JRKL: variants seen among roughly 807,000 people sequenced by gnomAD.
JRKL encodes JRK like.
In JRKL, 25 loss-of-function variants were observed where a neutral mutation model predicts 34.7. That is an observed-to-expected ratio of 0.72 (90% CI 0.53 to 1.01). The LOEUF is 1.01. JRKL is among the 50% of genes least tolerant of loss of function. The pLI is 0.00. For synonymous variants in JRKL, 204 were observed against 212.8 expected, an observed-to-expected ratio of 0.96 and a Z score of 0.36; for missense variants, 495 against 615.7, an observed-to-expected ratio of 0.80 and a Z score of 2.07.
rs1205576580 is a variant in JRKL at position 96,393,215 on chromosome 11, A to G, written c.*991A>G. The G allele has an allele frequency of 2.4e-5, 4 of 165,540 alleles. No homozygotes were observed. The highest frequency in any genetic ancestry group is 9.8e-5 in the African/African-American group (4 of 40,956). The allele number at this position is 165,540 out of a possible 1,614,324, so 10.3% of individuals were successfully genotyped here. A position where few individuals can be genotyped will look rare whatever the true frequency, so the allele number is the denominator to read the frequency against. ...TATTGTCATATCTGGCCCTTTGATG[A>G]GAAAAGGAAATTACAATAATAAAGT... On this transcript the variant is annotated 3_prime_UTR_variant, in exon 2 of 2. Coordinates refer to ENST00000332349, the MANE Select transcript of JRKL (RefSeq NM_001261833.2).
rs753303916 is a variant in JRKL, at chr11:96,391,648, G to C, written c.999G>C (p.Thr333=). The C allele has an allele frequency of 6.2e-7, 1 of 1,614,120 alleles. No individual in the cohort carries two copies. Reference sequence around the variant, plus strand: ...CTTCAGATCAGGGAGTCATAGCAACGATGAAGAGAAATTATCGTGCAGGTC... The same window carrying C: ...CTTCAGATCAGGGAGTCATAGCAACCATGAAGAGAAATTATCGTGCAGGTC... ...IQPSDQGVIA[T]MKRNYRAGLL... is the part of the protein sequence containing the mutation. Residue 333 remains threonine, a synonymous_variant, in exon 2 of 2, where the codon ACG becomes ACC. Transcript: ENST00000332349.
Position 96,392,156 on chromosome 11 carries a change from A to T in JRKL, c.1507A>T (p.Arg503Ter). Reference sequence around the variant, plus strand: ...ACAAGGTGATATGATTCTACCTGATAGACTGGTAATACGTAAACTTCGAGC... The same window carrying T: ...ACAAGGTGATATGATTCTACCTGATTGACTGGTAATACGTAAACTTCGAGC... ...EQQGDMILPD[R>*]LVIRKLRATI... The change falls in exon 2 of 2, where the codon AGA becomes TGA. Residue 503 changes from arginine (R) to a stop codon, truncating the protein, a stop_gained. Transcript: ENST00000332349. LOFTEE classifies it high-confidence loss of function. 1 of 1,612,480 alleles carries T rather than the reference A, an allele frequency of 6.2e-7. No individual in the cohort carries two copies. Among genetic ancestry groups the T allele is most frequent in the Non-Finnish European group, 8.5e-7 (1 of 1,179,496 alleles).
chr11:96,392,278 A>G lies in JRKL; in HGVS notation c.*54A>G, dbSNP rs966736008. ...TTGTGTTTGTGACAAACTCTTTGCA[A>G]TATGGCTTAATTTTCTTTGTGTTCT... On this transcript the variant is annotated 3_prime_UTR_variant, in exon 2 of 2. Coordinates refer to ENST00000332349, the MANE Select transcript of JRKL (RefSeq NM_001261833.2). 2.7e-6 allele frequency: 4 copies of G among 1,485,338 alleles called. No homozygotes were observed. The highest frequency in any genetic ancestry group is 3.6e-6 in the Non-Finnish European group (4 of 1,119,894). The allele number at this position is 1,485,338 out of a possible 1,614,324, so 92.0% of individuals were successfully genotyped here.
At position 96,393,331 on chromosome 11, in the gene JRKL, ATTGT is replaced by A. The variant is rs1430205787; in HGVS notation, c.*1110_*1113del. On this transcript the variant is annotated 3_prime_UTR_variant, in exon 2 of 2. Transcript: ENST00000332349. ...AAAGTGCCAGACACTAAGGAATATTATTGTTTATTATTTTAATACATATAAAAAG... is the reference window on the plus strand; with the variant it reads ...AAAGTGCCAGACACTAAGGAATATTATTATTATTTTAATACATATAAAAAG... The A allele has an allele frequency of 2.4e-5, 4 of 166,920 alleles. No individual in the cohort carries two copies. Among genetic ancestry groups the A allele is most frequent in the East Asian group, 1.9e-4 (1 of 5,200 alleles). 10.3% of individuals were successfully genotyped at this position (166,920 alleles called of 1,614,324 possible). A position where few individuals can be genotyped will look rare whatever the true frequency, so the allele number is the denominator to read the frequency against.
Position 96,391,123 on chromosome 11 carries a change from C to G in JRKL, c.474C>G (p.Asn158Lys), listed in dbSNP as rs139608079. Residue 158 changes from asparagine to lysine, a missense_variant, in exon 2 of 2, where the codon AAC becomes AAG. Physicochemically the swap from Asn to Lys is moderately conservative, Grantham distance 94 (BLOSUM62 0). Transcript: ENST00000332349. ...CTGCGGTGGAAGATTTTTGTAATAA[C>G]TTTCGAGATTTTATTGAACGAGAGA... is the stretch of plus-strand genomic sequence containing the variant. ...DETAVEDFCN[N>K]FRDFIERENL... is the part of the protein sequence containing the mutation. 2 of 1,612,840 alleles carry G rather than the reference C, an allele frequency of 1.2e-6. No homozygotes were observed. The highest frequency in any genetic ancestry group is 1.3e-5 in the African/African-American group (1 of 74,992).
In JRKL at chr11:96,392,405, G is replaced by T; in HGVS notation, c.*181G>T. The T allele has an allele frequency of 1.2e-6, 1 of 866,930 alleles. No homozygotes were observed. Among genetic ancestry groups the T allele is most frequent in the Non-Finnish European group, 1.7e-6 (1 of 594,636 alleles). The allele number at this position is 866,930 out of a possible 1,614,324, so 53.7% of individuals were successfully genotyped here. On this transcript the variant is annotated 3_prime_UTR_variant, in exon 2 of 2. Transcript: ENST00000332349. ...ATCTGTGTCTTTTGTCCTTTTATTT[G>T]TACAGATAATCAGAAGATGATACTG...
At position 96,392,169 on chromosome 11, in the gene JRKL, G is replaced by A. The variant is rs776886013; in HGVS notation, c.1520G>A (p.Arg507His). The part of the protein sequence containing the change: ...DMILPDRLVI[R>H]KLRATIRNKQ... ...ATTCTACCTGATAGACTGGTAATACGTAAACTTCGAGCCACCATCAGAAAT... is the reference window on the plus strand; with the variant it reads ...ATTCTACCTGATAGACTGGTAATACATAAACTTCGAGCCACCATCAGAAAT... The change falls in exon 2 of 2, where the codon CGT (arginine) becomes CAT (histidine). Residue 507 changes from arginine (R) to histidine (H), a missense_variant. Physicochemically the swap from Arg to His is conservative, Grantham distance 29. Transcript: ENST00000332349. 9 of 1,603,654 alleles carry A rather than the reference G, an allele frequency of 5.6e-6. No individual in the cohort carries two copies. The South Asian group carries it at 5.6e-5, about 10-fold the overall frequency.
At position 96,391,589 on chromosome 11, in the gene JRKL, T is replaced by C. The variant is rs1866539682; in HGVS notation, c.940T>C (p.Tyr314His). 1 of 1,602,020 alleles carries C rather than the reference T, an allele frequency of 6.2e-7. No homozygotes were observed. The highest frequency in any genetic ancestry group is 1.1e-5 in the South Asian group (1 of 89,560). Residue 314 changes from tyrosine (Y) to histidine (H), a missense_variant, in exon 2 of 2, where the codon TAT (tyrosine) becomes CAT (histidine). By Grantham distance (83) the Tyr-to-His change is moderately conservative. Coordinates refer to ENST00000332349, the MANE Select transcript of JRKL (RefSeq NM_001261833.2). ...AGATGATGGCCAAATATTTGCTAAATATTTACCACCTAATGTGGCCTCATT... is the reference window on the plus strand; with the variant it reads ...AGATGATGGCCAAATATTTGCTAAACATTTACCACCTAATGTGGCCTCATT... Reference protein sequence around the residue: ...RSDDGQIFAKYLPPNVASLIQ... With the variant: ...RSDDGQIFAKHLPPNVASLIQ...
rs754792583 is a variant in JRKL, at chr11:96,391,837, G to C, written c.1188G>C (p.Glu396Asp). 6.2e-7 allele frequency: 1 copy of C among 1,614,056 alleles called. No individual in the cohort carries two copies. Among genetic ancestry groups the C allele is most frequent in the African/African-American group, 1.3e-5 (1 of 74,928 alleles). ...TTCTCCCTATGGTAGAGGAGAAAGA[G>C]AGCCTGGACTTTGATGTTGAAGATA... ...KKILPMVEEKESLDFDVEDIS... is the reference protein window; with the variant it reads ...KKILPMVEEKDSLDFDVEDIS... The change falls in exon 2 of 2, where the codon GAG (glutamate) becomes GAC (aspartate). Residue 396 changes from glutamate to aspartate, a missense_variant. Transcript: ENST00000332349.
chr11:96,390,806 A>G lies in JRKL; in HGVS notation c.157A>G (p.Ile53Val), dbSNP rs749627880. ...TATAAGAAAAAATAAGGAAAAGATT[A>G]TAACTTATGCAAGCAGTTCTGATTC... Reference protein sequence around the residue: ...RDIRKNKEKIITYASSSDSTS... With the variant: ...RDIRKNKEKIVTYASSSDSTS... The change falls in exon 2 of 2, where the codon ATA becomes GTA. Residue 53 changes from isoleucine (I) to valine (V), a missense_variant. Ile to Val is a conservative substitution (Grantham distance 29). Coordinates refer to ENST00000332349, the MANE Select transcript of JRKL (RefSeq NM_001261833.2). The G allele has an allele frequency of 8.7e-6, 14 of 1,613,434 alleles. No homozygotes were observed. Among genetic ancestry groups the G allele is most frequent in the South Asian group, 6.6e-5 (6 of 90,894 alleles).
At chr11:96,390,287 G>T (rs1295584008) in intron 1 of JRKL, among the ~76,000 whole-genome samples, 196 bp from the exon 2 acceptor site, 1 of 152,122 alleles carries the variant, frequency 6.6e-6, no homozygotes, top group Admixed American at 6.5e-5. Context: ...AGTGACGCGC[G>T]GTTACCCGGG....
At position 96,391,269 on chromosome 11, in the gene JRKL, A is replaced by T. The variant is rs1866528220; in HGVS notation, c.620A>T (p.Glu207Val). ...GTCCCTGGGCACAAATCAATTGAAG[A>T]AAGAGTCACAATCATGTGTTGTGCC... ...CTVPGHKSIE[E>V]RVTIMCCANA... The change falls in exon 2 of 2, where the codon GAA (glutamate) becomes GTA (valine). Residue 207 changes from glutamate to valine, a missense_variant. Transcript: ENST00000332349. The T allele has an allele frequency of 2.6e-6, 4 of 1,551,578 alleles. No homozygotes were observed. The highest frequency in any genetic ancestry group is 3.5e-6 in the Non-Finnish European group (4 of 1,147,008).
rs774073517 is a variant in JRKL, at chr11:96,391,148, A to G, written c.499A>G (p.Asn167Asp). 19 of 1,598,640 alleles carry G rather than the reference A, an allele frequency of 1.2e-5. No individual in the cohort carries two copies. Among genetic ancestry groups the G allele is most frequent in the Non-Finnish European group, 1.5e-5 (18 of 1,170,838 alleles). The change falls in exon 2 of 2, where the codon AAT becomes GAT. Residue 167 changes from asparagine to aspartate, a missense_variant. Coordinates refer to ENST00000332349, the MANE Select transcript of JRKL (RefSeq NM_001261833.2). Reference protein sequence around the residue: ...NNFRDFIERENLQPEQIYNAD... With the variant: ...NNFRDFIEREDLQPEQIYNAD... ...CTTTCGAGATTTTATTGAACGAGAG[A>G]ATTTACAGCCTGAACAAATCTACAA...
rs1866573863 is a variant in JRKL at position 96,393,397 on chromosome 11, T to C, written c.*1173T>C. The C allele has an allele frequency of 1.2e-5, 2 of 166,950 alleles. No individual in the cohort carries two copies. Among genetic ancestry groups the C allele is most frequent in the South Asian group, 4.1e-4 (2 of 4,828 alleles). 10.3% of individuals were successfully genotyped at this position (166,950 alleles called of 1,614,324 possible). The stretch of plus-strand genomic sequence containing the variant: ...CTAAAATGTAATCTAAATCAGAATT[T>C]TGATAAATTTTTTTTGTAAACTAAG... On this transcript the variant is annotated 3_prime_UTR_variant, in exon 2 of 2. Coordinates refer to ENST00000332349, the MANE Select transcript of JRKL (RefSeq NM_001261833.2).
chr11:96,391,688 T>C lies in JRKL; in HGVS notation c.1039T>C (p.Leu347=), dbSNP rs776745399. The C allele has an allele frequency of 1.9e-6, 3 of 1,614,130 alleles. No homozygotes were observed. Among genetic ancestry groups the C allele is most frequent in the Non-Finnish European group, 2.5e-6 (3 of 1,180,008 alleles). ...NYRAGLLQNN[L]EEGNDLKSFW... ...TCGTGCAGGTCTTCTCCAGAACAAC[T>C]TGGAAGAAGGTAATGACCTGAAATC... The change falls in exon 2 of 2, where the codon TTG becomes CTG. Residue 347 remains leucine (L), a synonymous_variant. Transcript: ENST00000332349.
Position 96,391,726 on chromosome 11 carries a change from G to T in JRKL, c.1077G>T (p.Lys359Asn), listed in dbSNP as rs766630778. Residue 359 changes from lysine to asparagine, a missense_variant, in exon 2 of 2, where the codon AAG (lysine) becomes AAT (asparagine). By Grantham distance (94) the Lys-to-Asn change is moderately conservative (BLOSUM62 0). Transcript: ENST00000332349. ...ATGACCTGAAATCATTCTGGAAGAA[G>T]CTAACTCTGTTGGATGCACTTTATG... ...EGNDLKSFWK[K>N]LTLLDALYEI... is the part of the protein sequence containing the mutation. 10 of 1,614,070 alleles carry T rather than the reference G, an allele frequency of 6.2e-6. No homozygotes were observed. The highest frequency in any genetic ancestry group is 8.5e-6 in the Non-Finnish European group (10 of 1,180,040).
In JRKL at chr11:96,390,802, G is replaced by A. The variant is rs1357333964; in HGVS notation, c.153G>A (p.Lys51=). The change falls in exon 2 of 2, where the codon AAG becomes AAA. Residue 51 remains lysine (K), a synonymous_variant. Coordinates refer to ENST00000332349, the MANE Select transcript of JRKL (RefSeq NM_001261833.2). ...GGGATATAAGAAAAAATAAGGAAAA[G>A]ATTATAACTTATGCAAGCAGTTCTG... ...TVRDIRKNKE[K]IITYASSSDS... The A allele has an allele frequency of 6.2e-7, 1 of 1,613,430 alleles. No individual in the cohort carries two copies. Among genetic ancestry groups the A allele is most frequent in the Admixed American group, 1.7e-5 (1 of 59,840 alleles).
At position 96,392,341 on chromosome 11, in the gene JRKL, A is replaced by T; in HGVS notation, c.*117A>T. The T allele has an allele frequency of 7.1e-7, 1 of 1,398,820 alleles. No homozygotes were observed. Among genetic ancestry groups the T allele is most frequent in the Non-Finnish European group, 9.4e-7 (1 of 1,059,596 alleles). The allele number at this position is 1,398,820 out of a possible 1,614,324, so 86.7% of individuals were successfully genotyped here. A position where few individuals can be genotyped will look rare whatever the true frequency, so the allele number is the denominator to read the frequency against. On this transcript the variant is annotated 3_prime_UTR_variant, in exon 2 of 2. Coordinates refer to ENST00000332349, the MANE Select transcript of JRKL (RefSeq NM_001261833.2). ...TTGGTCCTGTGAAATACAGGCACAA[A>T]ATGTATCTGAAGTGGTTTGAGGATT... is the stretch of plus-strand genomic sequence containing the variant.
At position 96,391,122 on chromosome 11, in the gene JRKL, A is replaced by C; in HGVS notation, c.473A>C (p.Asn158Thr). The C allele has an allele frequency of 1.2e-6, 2 of 1,613,122 alleles. No homozygotes were observed. Among genetic ancestry groups the C allele is most frequent in the Non-Finnish European group, 1.7e-6 (2 of 1,179,390 alleles). ...ACTGCGGTGGAAGATTTTTGTAATA[A>C]CTTTCGAGATTTTATTGAACGAGAG... ...DETAVEDFCN[N>T]FRDFIERENL... is the part of the protein sequence containing the mutation. The change falls in exon 2 of 2, where the codon AAC becomes ACC. Residue 158 changes from asparagine to threonine, a missense_variant. Asn to Thr is a moderately conservative substitution (Grantham distance 65, BLOSUM62 0). Coordinates refer to ENST00000332349, the MANE Select transcript of JRKL (RefSeq NM_001261833.2).
Sources: allele counts gnomAD v4.1 joint callset (sites outside exome capture counted in the v4.1 genomes callset), GRCh38; gene constraint gnomAD v4.1.1; transcripts MANE v1.5; gene names NCBI Gene and HGNC (gene_info 2026-07-23, HGNC 2026-07-21).